Variants in STUM observed in about 807,000 individuals in gnomAD.
STUM encodes stum, mechanosensory transduction mediator homolog.
A neutral mutation model predicts 15.3 loss-of-function variants in STUM; 8 were observed. The ratio of observed to expected loss-of-function variants is 0.52; its 90% CI spans 0.31 to 0.94. STUM has a LOEUF of 0.94. STUM is among the 40% of genes least tolerant of loss of function. The pLI is 0.05. For missense variants in STUM, 142 were observed against 204.9 expected (o/e 0.69, Z 1.87); for synonymous variants, 78 against 88.7 (o/e 0.88, Z 0.68).
chr1:226,596,758 T>C (rs374590755), intron 1 of STUM, 44 bp from the exon 2 acceptor site: 2 of 1,567,250 alleles, frequency 1.3e-6, no homozygotes, highest in African/African-American at 2.7e-5. Flanking sequence ...GACCCCTTTG[T>C]CTCCCAGTGC....
Position 226,548,859 on chromosome 1 carries a change from G to T in STUM, c.-46G>T, listed in dbSNP as rs952435860. 5.3e-5 allele frequency: 68 copies of T among 1,292,926 alleles called. No individual in the cohort carries two copies. Among genetic ancestry groups the T allele is most frequent in the Middle Eastern group, 2.8e-4 (1 of 3,544 alleles). The allele number at this position is 1,292,926 out of a possible 1,614,324, so 80.1% of individuals were successfully genotyped here. A position where few individuals can be genotyped will look rare whatever the true frequency, so the allele number is the denominator to read the frequency against. ...AGTCTCCTGCTCCCGTACGCTGGGCGCCAGCTCCGGCCGTGCTGCCCGGCT... is the reference window on the plus strand; with the variant it reads ...AGTCTCCTGCTCCCGTACGCTGGGCTCCAGCTCCGGCCGTGCTGCCCGGCT... On this transcript the variant is annotated 5_prime_UTR_variant, in exon 1 of 4. Transcript: ENST00000366788.
chr1:226,583,176 G>A (rs896334185), intron 1 of STUM, among the ~76,000 whole-genome samples: 1 of 151,874 alleles, frequency 6.6e-6, no homozygotes, highest in African/African-American at 2.4e-5. Flanking sequence ...AAGTCCCAGG[G>A]CCAGCCTGGA....
intron 1 of STUM, among the ~76,000 whole-genome samples, chr1:226,579,422 C>T (rs1386896377): frequency 6.6e-6 from 1 of 152,160 alleles, no homozygotes; most frequent in East Asian, 1.9e-4. Flanking sequence ...TACTTGGTCC[C>T]TGTCCATGTG....
chr1:226,590,251 C>T (rs1018920086), intron 1 of STUM, among the ~76,000 whole-genome samples: 6 of 152,160 alleles, frequency 3.9e-5, no homozygotes, highest in Admixed American at 6.5e-5. Flanking sequence ...CTCACCCACA[C>T]CCTGGAATCC....
At chr1:226,566,709 C>A (rs1250542073) in intron 1 of STUM, among the ~76,000 whole-genome samples, 4 of 152,162 alleles carry the variant, frequency 2.6e-5, no homozygotes, top group African/African-American at 4.8e-5. Context: ...GGATCAAGAG[C>A]CCTTTTAACT....
chr1:226,583,405 T>C (rs1196266351), intron 1 of STUM, among the ~76,000 whole-genome samples: 1 of 152,228 alleles, frequency 6.6e-6, no homozygotes, highest in African/African-American at 2.4e-5. Context: ...GGTAAAATGC[T>C]AACTTCTAAT....
Position 226,602,869 on chromosome 1 carries a change from TG to T in STUM, c.*833del, listed in dbSNP as rs1668293854. 1 of 152,232 alleles carries T rather than the reference TG, an allele frequency of 6.6e-6. No homozygotes were observed. Among genetic ancestry groups the T allele is most frequent in the Non-Finnish European group, 1.5e-5 (1 of 68,046 alleles). 9.4% of individuals were successfully genotyped at this position (152,232 alleles called of 1,614,324 possible). Reference sequence around the variant, plus strand: ...CCCACATTCCTTTTTCTGAAGTCATTGGGGCCAGATGTGTCTCCGAATTGAG... The same window carrying T: ...CCCACATTCCTTTTTCTGAAGTCATTGGGCCAGATGTGTCTCCGAATTGAG... On this transcript the variant is annotated 3_prime_UTR_variant, in exon 4 of 4. Transcript: ENST00000366788.
rs1029104717 is a variant in STUM at position 226,608,830 on chromosome 1, C to T, written c.*6790C>T. 4 of 152,394 alleles carry T rather than the reference C, an allele frequency of 2.6e-5. No individual in the cohort carries two copies. The highest frequency in any genetic ancestry group is 9.6e-5 in the African/African-American group (4 of 41,468). The allele number at this position is 152,394 out of a possible 1,614,324, so 9.4% of individuals were successfully genotyped here. A position where few individuals can be genotyped will look rare whatever the true frequency, so the allele number is the denominator to read the frequency against. ...GCCTGGGGCCCCAGCCCGCCTGCAG[C>T]TCAGCTTTCCCCAACACCCTCAGGA... On this transcript the variant is annotated 3_prime_UTR_variant, in exon 4 of 4. Coordinates refer to ENST00000366788, the MANE Select transcript of STUM (RefSeq NM_001003665.4). The surrounding 1 kb of genome is among the most constrained non-coding windows in gnomAD (Gnocchi z 4.0).
intron 1 of STUM, among the ~76,000 whole-genome samples, chr1:226,564,768 G>A (rs1667595381): frequency 6.6e-6 from 1 of 152,224 alleles, no homozygotes; most frequent in South Asian, 2.1e-4. Flanking sequence ...CAAGGAGAGT[G>A]TGGCTTCTGC....
chr1:226,553,492 C>T (rs1180737397), intron 1 of STUM, among the ~76,000 whole-genome samples: 1 of 152,076 alleles, frequency 6.6e-6, no homozygotes, highest in Non-Finnish European at 1.5e-5. Flanking sequence ...AGAGTCCAAA[C>T]AATAAATGGA....
rs561430306 is a variant in STUM, at chr1:226,553,231, G to A, written c.202+4125G>A. Among the ~76,000 whole-genome samples, 112 of 152,288 alleles carry A rather than the reference G, an allele frequency of 7.4e-4. 1 individual carries two copies. Among genetic ancestry groups the A allele is most frequent in the African/African-American group, 2.6e-3 (107 of 41,556 alleles). The stretch of plus-strand genomic sequence containing the variant: ...GAGAGTAGTTACTTTTCATTAGAGT[G>A]GAAGGAAAGAGGTCTCCGAAGGTGA... On this transcript the variant is annotated intron_variant, in intron 1 of 3. Transcript: ENST00000366788.
rs1181640287 is a variant in STUM at position 226,549,473 on chromosome 1, C to T, written c.202+367C>T. Among the ~76,000 whole-genome samples, 1 of 152,224 alleles carries T rather than the reference C, an allele frequency of 6.6e-6. No homozygotes were observed. Among genetic ancestry groups the T allele is most frequent in the East Asian group, 1.9e-4 (1 of 5,186 alleles). On this transcript the variant is annotated intron_variant, in intron 1 of 3. Coordinates refer to ENST00000366788, the MANE Select transcript of STUM (RefSeq NM_001003665.4). This position sits in a 1 kb window ranked among gnomAD's most constrained non-coding sequence, Gnocchi z 6.8. ...TCCGTCGTGTGCATCCGTCCGCGAG[C>T]CCACTTCCCCGAGAGGAATGGGGTC...
intron 2 of STUM, among the ~76,000 whole-genome samples, chr1:226,599,031 G>A (rs142502384): frequency 3.3e-5 from 5 of 152,180 alleles, no homozygotes; most frequent in Middle Eastern, 3.4e-3. Flanking sequence ...AGTTTGTGCC[G>A]GGAAACTCCC....
chr1:226,590,954 G>A (rs1435444712), intron 1 of STUM, among the ~76,000 whole-genome samples: 3 of 152,170 alleles, frequency 2.0e-5, no homozygotes, highest in Non-Finnish European at 4.4e-5. Flanking sequence ...GTGAGCTCCC[G>A]GGCGGGGGTG....
intron 1 of STUM, among the ~76,000 whole-genome samples, chr1:226,568,628 A>G (rs1297609933): frequency 6.6e-6 from 1 of 152,262 alleles, no homozygotes; most frequent in Non-Finnish European, 1.5e-5. Context: ...CCTGCTGAGC[A>G]AAGAACAGCC....
chr1:226,569,731 A>T (rs1050906995), intron 1 of STUM, among the ~76,000 whole-genome samples: 8 of 152,186 alleles, frequency 5.3e-5, no homozygotes, highest in Admixed American at 1.3e-4. Flanking sequence ...GGATTGAGGG[A>T]CAAGAGGGAG....
At chr1:226,560,880 A>G (rs1376294022) in intron 1 of STUM, among the ~76,000 whole-genome samples, 1 of 152,186 alleles carries the variant, frequency 6.6e-6, no homozygotes, top group Non-Finnish European at 1.5e-5. Flanking sequence ...CCACTGAACC[A>G]AGTTCACATT....
chr1:226,583,083 G>A (rs558905008), intron 1 of STUM, among the ~76,000 whole-genome samples: 1 of 152,354 alleles, frequency 6.6e-6, no homozygotes, highest in South Asian at 2.1e-4. Context: ...TTGTCCATGT[G>A]GTGACAGTGC....
At chr1:226,571,232 C>CAAAA (rs1175786395) in intron 1 of STUM, among the ~76,000 whole-genome samples, 1 of 144,942 alleles carries the variant, frequency 6.9e-6, no homozygotes, top group Non-Finnish European at 1.5e-5. Context: ...GGGACTGTCT[C>CAAAA]AAAAACAAAA....
Sources: allele counts gnomAD v4.1 joint callset (sites outside exome capture counted in the v4.1 genomes callset), GRCh38; gene constraint gnomAD v4.1.1; non-coding constraint Gnocchi (gnomAD v3.1); transcripts MANE v1.5; gene names NCBI Gene and HGNC (gene_info 2026-07-23, HGNC 2026-07-21).